The following CDH12 variants were observed in gnomAD, a reference collection of about 807,000 sequenced individuals.
CDH12 encodes the protein cadherin 12.
A neutral mutation model predicts 74.1 loss-of-function variants in CDH12; 41 were observed. The observed-to-expected ratio is 0.55, with a 90% CI of 0.43 to 0.72. CDH12 has a LOEUF of 0.72. Among genes scored for constraint, CDH12 ranks in the 30% least tolerant of loss-of-function variants. CDH12 has a pLI of 0.00. For synonymous variants in CDH12, 399 were observed against 355.0 expected (o/e 1.12, Z -1.39); for missense variants, 945 against 977.2 (o/e 0.97, Z 0.44).
At chr5:22,737,048 G>C (rs942757480) in intron 1 of CDH12, among the ~76,000 whole-genome samples, 1 of 151,914 alleles carries the variant, frequency 6.6e-6, no homozygotes, top group African/African-American at 2.4e-5. Flanking sequence ...AAGATATAGA[G>C]AGAAAGCATC....
At chr5:22,590,198 A>G (rs1740632166) in intron 1 of CDH12, among the ~76,000 whole-genome samples, 1 of 152,208 alleles carries the variant, frequency 6.6e-6, no homozygotes, top group Non-Finnish European at 1.5e-5. Context: ...ATTAGTCTTC[A>G]GGTAGCAGAA....
At chr5:22,845,663 C>G (rs1294600734) in intron 1 of CDH12, among the ~76,000 whole-genome samples, 4 of 152,070 alleles carry the variant, frequency 2.6e-5, no homozygotes, top group African/African-American at 7.2e-5. Flanking sequence ...GAGAACATCA[C>G]TCTGATGTAA....
chr5:21,968,465 A>G lies in CDH12; in HGVS notation c.526+6626T>C, dbSNP rs376135532. ...AACATCCAAGTACTATTGCAAGTAC[A>G]AGCTGTATTTCATGGAAAAAGAACA... On this transcript the variant is annotated intron_variant, in intron 6 of 14. Transcript: ENST00000382254. Among the ~76,000 whole-genome samples, 18 of 152,326 alleles carry G rather than the reference A, an allele frequency of 1.2e-4. No homozygotes were observed. The East Asian group carries it at 3.3e-3, about 28-fold the overall frequency.
intron 6 of CDH12, among the ~76,000 whole-genome samples, chr5:21,874,715 C>T (rs938658900): frequency 6.6e-6 from 1 of 152,162 alleles, no homozygotes; most frequent in Non-Finnish European, 1.5e-5. Flanking sequence ...ACAGCTGTCC[C>T]AGACCTGCCA....
rs1738573493 is a variant in CDH12, at chr5:22,315,131, T to TTTTTTTTTTTTTG, written c.-333+90125_-333+90126insCAAAAAAAAAAAA. Among the ~76,000 whole-genome samples the TTTTTTTTTTTTTG allele has an allele frequency of 1.7e-5, 2 of 116,622 alleles. 1 individual carries two copies. The highest frequency in any genetic ancestry group is 6.6e-5 in the African/African-American group (2 of 30,406). 76.5% of individuals were successfully genotyped at this position (116,622 alleles called of 152,430 possible). ...CGTGCCTGCCTGGCTTTTTTTTTTT[T>TTTTTTTTTTTTTG]TTTTTTTTTTTTAGTAGAGACGGGG... On this transcript the variant is annotated intron_variant, in intron 3 of 14. Transcript: ENST00000382254.
chr5:22,561,062 G>A (rs1739026725), intron 1 of CDH12, among the ~76,000 whole-genome samples: 1 of 152,074 alleles, frequency 6.6e-6, no homozygotes, highest in Non-Finnish European at 1.5e-5. Context: ...ATTGATTAAA[G>A]CATATTTACT....
At chr5:22,169,389 A>G (rs538977878) in intron 4 of CDH12, among the ~76,000 whole-genome samples, 1 of 152,148 alleles carries the variant, frequency 6.6e-6, no homozygotes, top group South Asian at 2.1e-4. Context: ...TCTAAAAATG[A>G]ACAGTCGTAT....
At chr5:22,337,580 T>C (rs1739649556) in intron 3 of CDH12, among the ~76,000 whole-genome samples, 2 of 152,198 alleles carry the variant, frequency 1.3e-5, no homozygotes. Context: ...ACAATCTCTA[T>C]TTGCCTGCTG....
chr5:22,459,229 T>C (rs1476675946), intron 2 of CDH12, among the ~76,000 whole-genome samples: 3 of 152,098 alleles, frequency 2.0e-5, no homozygotes, highest in Non-Finnish European at 4.4e-5. Context: ...TTTGCTTTTC[T>C]GAATTTCTAT....
At chr5:22,444,476 C>T (rs1260465252) in intron 2 of CDH12, among the ~76,000 whole-genome samples, 1 of 151,904 alleles carries the variant, frequency 6.6e-6, no homozygotes, top group Non-Finnish European at 1.5e-5. Flanking sequence ...AACTTGCCAT[C>T]CTGCTTTGTT....
chr5:22,787,565 T>C (rs1747699624), intron 1 of CDH12, among the ~76,000 whole-genome samples: 1 of 152,134 alleles, frequency 6.6e-6, no homozygotes, highest in African/African-American at 2.4e-5. Context: ...ATATTATAAA[T>C]AATGTTTTAA....
chr5:22,195,671 T>C (rs1335178551), intron 4 of CDH12, among the ~76,000 whole-genome samples: 1 of 152,210 alleles, frequency 6.6e-6, no homozygotes, highest in Non-Finnish European at 1.5e-5. Context: ...TTTATACCTT[T>C]TAAACACACA....
At chr5:21,760,792 A>C in intron 12 of CDH12, 117 bp from the exon 13 acceptor site, 1 of 709,492 alleles carries the variant, frequency 1.4e-6, no homozygotes, top group South Asian at 1.6e-5. Context: ...TTTTTGAATC[A>C]ATACCAGTAG....
At chr5:22,804,402 G>T (rs148740804) in intron 1 of CDH12, among the ~76,000 whole-genome samples, 2 of 152,174 alleles carry the variant, frequency 1.3e-5, no homozygotes, top group Admixed American at 6.5e-5. Context: ...GAGAAGGATG[G>T]GGGGGAGATT....
chr5:22,435,034 T>C (rs920010217), intron 2 of CDH12, among the ~76,000 whole-genome samples: 1 of 152,092 alleles, frequency 6.6e-6, no homozygotes, highest in Admixed American at 6.6e-5. Flanking sequence ...GTTAGCTTGA[T>C]TGGATTGAAG....
intron 1 of CDH12, among the ~76,000 whole-genome samples, chr5:22,632,835 A>C (rs992750817): frequency 2.6e-5 from 4 of 152,154 alleles, no homozygotes; most frequent in Non-Finnish European, 4.4e-5. Context: ...AATTCAAAAT[A>C]GGATAAACTC....
chr5:22,689,787 G>C (rs1741987779), intron 1 of CDH12, among the ~76,000 whole-genome samples: 1 of 151,940 alleles, frequency 6.6e-6, no homozygotes, highest in Admixed American at 6.6e-5. Context: ...TGAAGTTTAG[G>C]GTCTTGTATC....
chr5:22,765,581 CAATGTTTA>C (rs1244177433), intron 1 of CDH12, among the ~76,000 whole-genome samples: 1 of 151,854 alleles, frequency 6.6e-6, no homozygotes, highest in Non-Finnish European at 1.5e-5. Context: ...GATTTTTTAA[CAATGTTTA>C]AATCAAGTGG....
intron 1 of CDH12, among the ~76,000 whole-genome samples, chr5:22,720,323 T>C (rs1290081073): frequency 6.6e-6 from 1 of 152,200 alleles, no homozygotes; most frequent in African/African-American, 2.4e-5. Flanking sequence ...TCCTATCACT[T>C]TGTGAAGAAG....
Sources: allele counts gnomAD v4.1 joint callset (sites outside exome capture counted in the v4.1 genomes callset), GRCh38; gene constraint gnomAD v4.1.1; transcripts MANE v1.5; gene names NCBI Gene and HGNC (gene_info 2026-07-23, HGNC 2026-07-21).